The following EHMT1 variants were observed in gnomAD, a reference collection of about 807,000 sequenced individuals.
EHMT1 encodes the protein euchromatic histone lysine methyltransferase 1.
Under a neutral mutation model 147.2 loss-of-function variants are expected in EHMT1, and 15 were observed. The ratio of observed to expected loss-of-function variants is 0.10; its 90% CI spans 0.07 to 0.16. The LOEUF is 0.16. EHMT1 is among the 10% of genes least tolerant of loss of function. EHMT1 has a pLI of 1.00. For synonymous variants in EHMT1, 795 were observed against 709.6 expected (o/e 1.12, Z -1.91); for missense variants, 1,587 against 1,772.4 (o/e 0.90, Z 1.88).
chr9:137,770,428 G>T (rs1369597124), intron 10 of EHMT1, among the ~76,000 whole-genome samples: 1 of 152,206 alleles, frequency 6.6e-6, no homozygotes. Flanking sequence ...AGTCATCTCT[G>T]AGTGTGCTTC....
At chr9:137,715,421 G>C in intron 2 of EHMT1, 1 of 410,346 alleles carries the variant, frequency 2.4e-6, no homozygotes, top group Non-Finnish European at 3.3e-6. Flanking sequence ...TAAACAGACA[G>C]GGCATTTGCG....
intron 19 of EHMT1, among the ~76,000 whole-genome samples, chr9:137,812,512 G>C (rs745458302): frequency 5.3e-5 from 8 of 152,230 alleles, no homozygotes; most frequent in South Asian, 2.1e-4. Flanking sequence ...CCTACACATG[G>C]GGCTGTGCCC....
At chr9:137,635,960 C>T (rs1389747340) in intron 1 of EHMT1, among the ~76,000 whole-genome samples, 24 of 150,926 alleles carry the variant, frequency 1.6e-4, no homozygotes, top group African/African-American at 5.6e-4. Flanking sequence ...CTTGCTCTGT[C>T]GCCCAGGCTA....
At chr9:137,671,873 T>C (rs1940699479) in intron 1 of EHMT1, among the ~76,000 whole-genome samples, 1 of 152,130 alleles carries the variant, frequency 6.6e-6, no homozygotes, top group Non-Finnish European at 1.5e-5. Context: ...ACCCCAACCC[T>C]GCAGTGCTGT....
intron 1 of EHMT1, among the ~76,000 whole-genome samples, chr9:137,705,538 T>C (rs527408765): frequency 1.1e-3 from 165 of 152,290 alleles, no homozygotes; most frequent in Middle Eastern, 3.4e-3. Flanking sequence ...TCCTGGTGTG[T>C]ACTCTACATT....
intron 15 of EHMT1, chr9:137,788,950 G>C (rs1198479045): frequency 6.6e-6 from 1 of 152,602 alleles, no homozygotes; most frequent in African/African-American, 2.4e-5. Context: ...GTTTCTTGGC[G>C]CTGGCAGGTC....
At chr9:137,734,373 A>G (rs1041971809) in intron 4 of EHMT1, among the ~76,000 whole-genome samples, 11 of 152,250 alleles carry the variant, frequency 7.2e-5, no homozygotes, top group Non-Finnish European at 1.0e-4. Context: ...AGGAAATCAA[A>G]GGCAGATCTG....
At chr9:137,742,327 G>GTGTGTA (rs1408874712) in intron 4 of EHMT1, among the ~76,000 whole-genome samples, 5 of 144,824 alleles carry the variant, frequency 3.5e-5, no homozygotes, top group Admixed American at 6.9e-5. Context: ...GTGTGTGTGT[G>GTGTGTA]TGTGTAAGTA....
chr9:137,805,436 G>A (rs1383966754), intron 18 of EHMT1, among the ~76,000 whole-genome samples: 11 of 152,184 alleles, frequency 7.2e-5, no homozygotes, highest in East Asian at 3.9e-4. Flanking sequence ...AAAGTCAGTC[G>A]TCCAGATGTG....
chr9:137,792,565 C>T (rs994640690), intron 16 of EHMT1, among the ~76,000 whole-genome samples: 6 of 152,106 alleles, frequency 3.9e-5, no homozygotes, highest in South Asian at 4.1e-4. Flanking sequence ...ATTAGCCGGG[C>T]GTGGTGATGG....
At chr9:137,657,498 CTT>C (rs545345887) in intron 1 of EHMT1, among the ~76,000 whole-genome samples, 2 of 126,128 alleles carry the variant, frequency 1.6e-5, no homozygotes, top group Admixed American at 8.1e-5. Context: ...CACCTGGTTG[CTT>C]TTTTTTTTTT....
Position 137,835,583 on chromosome 9 carries a change from C to T in EHMT1, c.*630C>T, listed in dbSNP as rs192598475. The T allele has an allele frequency of 6.6e-6, 1 of 152,636 alleles. No individual in the cohort carries two copies. Among genetic ancestry groups the T allele is most frequent in the Admixed American group, 6.5e-5 (1 of 15,288 alleles). 9.5% of individuals were successfully genotyped at this position (152,636 alleles called of 1,614,324 possible). ...CAAACCTCTAACTGACGTTTCTTTTCGAGGAAGTGGCTTGGTGGGTGCAGC... is the reference window on the plus strand; with the variant it reads ...CAAACCTCTAACTGACGTTTCTTTTTGAGGAAGTGGCTTGGTGGGTGCAGC... On this transcript the variant is annotated 3_prime_UTR_variant, in exon 27 of 27. Coordinates refer to ENST00000460843, the MANE Select transcript of EHMT1 (RefSeq NM_024757.5).
At chr9:137,802,266 AG>A (rs1380309570) in intron 18 of EHMT1, 1 of 398,404 alleles carries the variant, frequency 2.5e-6, no homozygotes, top group Non-Finnish European at 4.4e-6. Context: ...CAGCCCACAG[AG>A]CTGTGTCCAC....
At chr9:137,680,244 C>T (rs960122587) in intron 1 of EHMT1, among the ~76,000 whole-genome samples, 1 of 152,034 alleles carries the variant, frequency 6.6e-6, no homozygotes, top group African/African-American at 2.4e-5. Flanking sequence ...GAGGCCGAGG[C>T]GAGTGGATCA....
chr9:137,786,529 G>A lies in EHMT1; in HGVS notation c.2382+4132G>A. On this transcript the variant is annotated intron_variant, in intron 15 of 26. Coordinates refer to ENST00000460843, the MANE Select transcript of EHMT1 (RefSeq NM_024757.5). The surrounding 1 kb of genome is among the most constrained non-coding windows in gnomAD (Gnocchi z 4.3). ...GGGCCTGTGGTGTCATCTCCCCCGG[G>A]CTCTGGTCTTGGTCGTGTGGAGTCA... 7.1e-6 allele frequency: 1 copy of A among 141,668 alleles called. No homozygotes were observed. The highest frequency in any genetic ancestry group is 6.8e-5 in the Admixed American group (1 of 14,684). The allele number at this position is 141,668 out of a possible 1,614,324, so 8.8% of individuals were successfully genotyped here. A position where few individuals can be genotyped will look rare whatever the true frequency, so the allele number is the denominator to read the frequency against.
At chr9:137,696,454 C>T (rs2135043741) in intron 1 of EHMT1, among the ~76,000 whole-genome samples, 1 of 152,288 alleles carries the variant, frequency 6.6e-6, no homozygotes, top group South Asian at 2.1e-4. Flanking sequence ...TGGAATGTGA[C>T]ATTTTTCTTA....
At chr9:137,668,851 G>T (rs537202528) in intron 1 of EHMT1, among the ~76,000 whole-genome samples, 1 of 152,148 alleles carries the variant, frequency 6.6e-6, no homozygotes, top group Non-Finnish European at 1.5e-5. Context: ...TGGTTCATAT[G>T]GTGACTGTCT....
Position 137,778,069 on chromosome 9 carries a change from T to C in EHMT1, c.2192+14T>C, listed in dbSNP as rs765817239. On this transcript the variant is annotated intron_variant, in intron 13 of 26. Coordinates refer to ENST00000460843, the MANE Select transcript of EHMT1 (RefSeq NM_024757.5). ...CGACTCGGAAAAGTAAGACCTGACA[T>C]GTGATTTCAGAGATGTCTCAGAGCC... 16 of 1,613,708 alleles carry C rather than the reference T, an allele frequency of 9.9e-6. No individual in the cohort carries two copies. In the South Asian group the frequency reaches 1.8e-4, roughly 18 times the overall value.
chr9:137,824,410 T>C (rs1321291833), intron 25 of EHMT1, among the ~76,000 whole-genome samples: 1 of 152,214 alleles, frequency 6.6e-6, no homozygotes, highest in Admixed American at 6.5e-5. Flanking sequence ...TCTTGACTGA[T>C]AGTAAAGCTT....
Sources: gnomAD v4.1 joint callset for allele counts (sites outside exome capture counted in the v4.1 genomes callset) on GRCh38, gnomAD v4.1.1 for gene constraint, Gnocchi (gnomAD v3.1) non-coding constraint, MANE v1.5 for transcripts, NCBI Gene and HGNC (gene_info 2026-07-23, HGNC 2026-07-21) for gene names.